The following UTP4 variants were observed in gnomAD, a reference collection of about 807,000 sequenced individuals.
The protein encoded by UTP4 is UTP4 small subunit processome component.
In UTP4, 45 loss-of-function variants were observed where a neutral mutation model predicts 82.4. The ratio of observed to expected loss-of-function variants is 0.55; its 90% CI spans 0.43 to 0.70. The LOEUF is 0.70. Among genes scored for constraint, UTP4 ranks in the 30% least tolerant of loss-of-function variants. The pLI, the probability that UTP4 is intolerant of heterozygous loss-of-function variation, is 0.00. For missense variants in UTP4, 819 were observed against 858.3 expected (o/e 0.95, Z 0.57); for synonymous variants, 348 against 300.3 (o/e 1.16, Z -1.64).
chr16:69,168,233 G>A (rs1455769490), intron 16 of UTP4, among the ~76,000 whole-genome samples: 4 of 151,938 alleles, frequency 2.6e-5, no homozygotes, highest in African/African-American at 7.2e-5. Flanking sequence ...TCAGGAGATC[G>A]AGACCATCCT....
intron 15 of UTP4, 63 bp downstream of exon 15, chr16:69,165,589 G>C (rs781216639): frequency 7.5e-7 from 1 of 1,333,732 alleles, no homozygotes; most frequent in Non-Finnish European, 1.1e-6. Context: ...AAAGCAACAA[G>C]TACAATAAGG....
chr16:69,156,964 A>C, intron 11 of UTP4, 120 bp from the exon 12 acceptor site: 2 of 955,498 alleles, frequency 2.1e-6, no homozygotes, highest in Non-Finnish European at 3.4e-6. Context: ...TTCTGTGCCG[A>C]GTCAGTTGGC....
intron 12 of UTP4, among the ~76,000 whole-genome samples, chr16:69,159,686 AAAAAAAG>A (rs1164504432): frequency 6.6e-6 from 1 of 151,442 alleles, no homozygotes; most frequent in Non-Finnish European, 1.5e-5. Context: ...GACTCCGTCT[AAAAAAAG>A]AAAAAAGAAA....
chr16:69,157,808 G>A, intron 12 of UTP4, among the ~76,000 whole-genome samples: 1 of 151,302 alleles, frequency 6.6e-6, no homozygotes, highest in Admixed American at 6.6e-5. Flanking sequence ...TGTTGACAAA[G>A]TTGGTCTTGA....
intron 4 of UTP4, among the ~76,000 whole-genome samples, chr16:69,139,335 T>C (rs953795784): frequency 1.3e-5 from 2 of 151,954 alleles, no homozygotes; most frequent in Non-Finnish European, 2.9e-5. Flanking sequence ...TTGTCAAGTA[T>C]GAAATAGAAA....
At chr16:69,150,352 C>T (rs1767383019) in intron 6 of UTP4, among the ~76,000 whole-genome samples, 185 bp from the exon 7 acceptor site, 1 of 152,158 alleles carries the variant, frequency 6.6e-6, no homozygotes, top group Non-Finnish European at 1.5e-5. Flanking sequence ...CGCATTGTTA[C>T]CAGTGTCTGA....
rs1022547826 is a variant in UTP4, at chr16:69,163,985, A to T, written c.1647+807A>T. Among the ~76,000 whole-genome samples the T allele has an allele frequency of 2.0e-5, 3 of 148,060 alleles. No homozygotes were observed. The Admixed American group carries it at 2.1e-4, about 10-fold the overall frequency. On this transcript the variant is annotated intron_variant, in intron 14 of 16. Transcript: ENST00000314423. ...ACTGCAAGCTCCGCCTTCCGGGTTC[A>T]TGTCATCCTCCTGCCTCAGCCTCCC...
intron 2 of UTP4, 126 bp from the exon 3 acceptor site, chr16:69,136,570 C>G: frequency 1.1e-6 from 1 of 881,880 alleles, no homozygotes; most frequent in Non-Finnish European, 1.9e-6. Context: ...TAGGCATGAT[C>G]TGATAGCACA....
chr16:69,142,598 G>A (rs1029987812), intron 5 of UTP4, among the ~76,000 whole-genome samples: 1 of 152,132 alleles, frequency 6.6e-6, no homozygotes, highest in Non-Finnish European at 1.5e-5. Flanking sequence ...GGATTCCATA[G>A]TATAAATCAG....
At chr16:69,142,266 G>C (rs1017803136) in intron 5 of UTP4, 7 of 152,208 alleles carry the variant, frequency 4.6e-5, no homozygotes, top group African/African-American at 1.7e-4. Flanking sequence ...TGTCAGTTAT[G>C]TTCCTCAGAA....
At chr16:69,161,657 G>A (rs975408852) in intron 13 of UTP4, among the ~76,000 whole-genome samples, 1 of 152,126 alleles carries the variant, frequency 6.6e-6, no homozygotes, top group Non-Finnish European at 1.5e-5. Context: ...AGTTTTGTAC[G>A]CGGTTAAATA....
intron 6 of UTP4, among the ~76,000 whole-genome samples, chr16:69,148,825 C>G (rs1346417256): frequency 6.6e-6 from 1 of 151,972 alleles, no homozygotes; most frequent in Admixed American, 6.6e-5. Flanking sequence ...AGGTTGGTCT[C>G]AAATTCCTGG....
chr16:69,154,764 T>C (rs963614848), intron 10 of UTP4, among the ~76,000 whole-genome samples: 1 of 151,992 alleles, frequency 6.6e-6, no homozygotes, highest in Non-Finnish European at 1.5e-5. Flanking sequence ...GTTTCACTCT[T>C]GTTGCCCAAG....
At chr16:69,165,248 C>T in intron 14 of UTP4, 93 bp from the exon 15 acceptor site, 1 of 1,104,970 alleles carries the variant, frequency 9.1e-7, no homozygotes, top group Non-Finnish European at 1.4e-6. Flanking sequence ...ACAGTTGAAG[C>T]TTTGTATAGA....
chr16:69,138,568 G>C (rs1962873504), intron 4 of UTP4, among the ~76,000 whole-genome samples: 1 of 152,184 alleles, frequency 6.6e-6, no homozygotes, highest in African/African-American at 2.4e-5. Context: ...TCCTTCTGGT[G>C]CATTCAAGTT....
At chr16:69,133,026 G>T (rs1404742563) in intron 1 of UTP4, 1 of 264,638 alleles carries the variant, frequency 3.8e-6, no homozygotes, top group Non-Finnish European at 7.4e-6. Flanking sequence ...AGTGACAGAC[G>T]TCAGACCAGG....
At chr16:69,134,815 A>G (rs1962769551) in intron 2 of UTP4, among the ~76,000 whole-genome samples, 1 of 143,076 alleles carries the variant, frequency 7.0e-6, no homozygotes. Context: ...TCAGCCTTCC[A>G]AGTCGCTGGG....
chr16:69,154,887 C>T (rs1963370781), intron 10 of UTP4, among the ~76,000 whole-genome samples: 1 of 152,048 alleles, frequency 6.6e-6, no homozygotes, highest in Admixed American at 6.6e-5. Flanking sequence ...CGCCACCACG[C>T]CCGGCTAATT....
chr16:69,160,329 A>C (rs1963530864), intron 12 of UTP4, 27 bp from the exon 13 acceptor site: 5 of 1,563,332 alleles, frequency 3.2e-6, no homozygotes, highest in Admixed American at 1.7e-5. Flanking sequence ...GTGTGAATTC[A>C]GAGATGTAAC....
Sources: gnomAD v4.1 joint callset for allele counts (sites outside exome capture counted in the v4.1 genomes callset) on GRCh38, gnomAD v4.1.1 for gene constraint, MANE v1.5 for transcripts, NCBI Gene and HGNC (gene_info 2026-07-23, HGNC 2026-07-21) for gene names.